The following SPTAN1 variants were observed in gnomAD, a reference collection of about 807,000 sequenced individuals.
SPTAN1 encodes the protein spectrin alpha chain, non-erythrocytic 1.
A neutral mutation model predicts 331.3 loss-of-function variants in SPTAN1; 61 were observed. That is an observed-to-expected ratio of 0.18 (90% CI 0.15 to 0.23). SPTAN1 has a LOEUF of 0.23. SPTAN1 is among the 10% of genes least tolerant of loss of function. The pLI is 1.00. For synonymous variants in SPTAN1, 1,153 were observed against 1,173.9 expected (o/e 0.98, Z 0.36); for missense variants, 2,043 against 3,147.9 (o/e 0.65, Z 8.40).
intron 34 of SPTAN1, 66 bp from the exon 35 acceptor site, chr9:128,608,808 G>A (rs931955759): frequency 1.3e-6 from 2 of 1,484,672 alleles, no homozygotes; most frequent in Non-Finnish European, 1.9e-6. Context: ...CTTTTCTCAA[G>A]ACTGGCAGTC....
chr9:128,565,190 C>G (rs1849876669), intron 1 of SPTAN1, among the ~76,000 whole-genome samples: 1 of 152,214 alleles, frequency 6.6e-6, no homozygotes, highest in South Asian at 2.1e-4. Flanking sequence ...GTAGTCCCCG[C>G]TACTCGGGAG....
chr9:128,633,228 C>G lies in SPTAN1; in HGVS notation c.7328C>G (p.Ala2443Gly). 6.2e-7 allele frequency: 1 copy of G among 1,614,034 alleles called. No homozygotes were observed. The highest frequency in any genetic ancestry group is 8.5e-7 in the Non-Finnish European group (1 of 1,180,026). Residue 2443 changes from alanine to glycine, a missense_variant, in exon 57 of 57, where the codon GCC (alanine) becomes GGC (glycine). Physicochemically the swap from Ala to Gly is moderately conservative, Grantham distance 60 (BLOSUM62 0). Around this residue, in one of 12 missense-constraint regions of SPTAN1, gnomAD observed 88 missense variants for 96.5 expected, o/e 0.91. Transcript: ENST00000372739. ...CCACAGAACCTGACCCGGGAACAAG[C>G]CGACTACTGCGTCTCCCACATGAAG... ...ELYQNLTREQ[A>G]DYCVSHMKPY... is the part of the protein sequence containing the mutation.
chr9:128,586,688 T>C (rs961815527), intron 19 of SPTAN1, among the ~76,000 whole-genome samples: 6 of 152,200 alleles, frequency 3.9e-5, no homozygotes, highest in African/African-American at 1.4e-4. Flanking sequence ...TACATAGATG[T>C]ACTTGGTTTT....
rs1446283019 is a variant in SPTAN1, at chr9:128,633,262, G to A, written c.7362G>A (p.Val2454=). The A allele has an allele frequency of 6.2e-7, 1 of 1,614,056 alleles. No individual in the cohort carries two copies. Among genetic ancestry groups the A allele is most frequent in the Non-Finnish European group, 8.5e-7 (1 of 1,180,038 alleles). Residue 2454 remains valine (V), a synonymous_variant, in exon 57 of 57, where the codon GTG becomes GTA. Coordinates refer to ENST00000372739, the MANE Select transcript of SPTAN1 (RefSeq NM_001130438.3). ...GCGTCTCCCACATGAAGCCCTACGT[G>A]GACGGCAAGGGCCGCGAGCTCCCCA... ...DYCVSHMKPY[V]DGKGRELPTA... is the part of the protein sequence containing the mutation.
rs183566381 is a variant in SPTAN1 at position 128,593,906 on chromosome 9, C to A, written c.3216-269C>A. 2.7e-4 allele frequency: 126 copies of A among 465,878 alleles called. 1 individual carries two copies. In the East Asian group the frequency reaches 5.4e-3, roughly 20 times the overall value. The allele number at this position is 465,878 out of a possible 1,614,324, so 28.9% of individuals were successfully genotyped here. On this transcript the variant is annotated intron_variant, in intron 23 of 56. Coordinates refer to ENST00000372739, the MANE Select transcript of SPTAN1 (RefSeq NM_001130438.3). ...TTCAGTCCCTTGTGGTTGTGTTGTT[C>A]TAAGTGCAGAATCGGCCTGGGGATA...
intron 1 of SPTAN1, among the ~76,000 whole-genome samples, chr9:128,557,476 G>A (rs1848766009): frequency 6.6e-6 from 1 of 152,156 alleles, no homozygotes; most frequent in African/African-American, 2.4e-5. Flanking sequence ...GCTTAACGCA[G>A]TGGGATTCCC....
intron 31 of SPTAN1, among the ~76,000 whole-genome samples, chr9:128,606,180 G>T (rs1589301168): frequency 6.6e-6 from 1 of 151,424 alleles, no homozygotes; most frequent in Admixed American, 6.6e-5. Flanking sequence ...GACCAGCCTG[G>T]CCAATATGGT....
Position 128,605,409 on chromosome 9 carries a change from A to G in SPTAN1, c.3978A>G (p.Lys1326=). Residue 1326 remains lysine (K), a synonymous_variant, in exon 31 of 57, where the codon AAA becomes AAG. Transcript: ENST00000372739. The part of the protein sequence containing the change: ...ELNQAWSSLG[K]RADQRKAKLG... ...ACCAGGCCTGGAGCAGCCTGGGGAAACGTGCAGATCAGCGCAAGGCAAAGT... is the reference window on the plus strand; with the variant it reads ...ACCAGGCCTGGAGCAGCCTGGGGAAGCGTGCAGATCAGCGCAAGGCAAAGT... 6.2e-7 allele frequency: 1 copy of G among 1,614,214 alleles called. No individual in the cohort carries two copies. Among genetic ancestry groups the G allele is most frequent in the Non-Finnish European group, 8.5e-7 (1 of 1,180,036 alleles).
rs1390456605 is a variant in SPTAN1 at position 128,627,066 on chromosome 9, GCCT to G, written c.6577-317_6577-315del. The G allele has an allele frequency of 1.8e-6, 1 of 552,316 alleles. No homozygotes were observed. Among genetic ancestry groups the G allele is most frequent in the Non-Finnish European group, 3.4e-6 (1 of 290,964 alleles). 34.2% of individuals were successfully genotyped at this position (552,316 alleles called of 1,614,324 possible). On this transcript the variant is annotated intron_variant, in intron 49 of 56. Transcript: ENST00000372739. This position sits in a 1 kb window ranked among gnomAD's most constrained non-coding sequence, Gnocchi z 4.9. The stretch of plus-strand genomic sequence containing the variant: ...GGCCTCAAGCAGTCCTCCTGCCCAG[GCCT>G]CCCAAAGTGCTGGGATTACAGGTGT...
chr9:128,593,236 C>T (rs1322062137), intron 23 of SPTAN1, 194 bp downstream of exon 23: 7 of 668,146 alleles, frequency 1.0e-5, no homozygotes, highest in Middle Eastern at 3.9e-4. Context: ...GACTGCTTAT[C>T]TCATTGGTTG....
chr9:128,633,512 A>C lies in SPTAN1; in HGVS notation c.*178A>C. 8.5e-7 allele frequency: 1 copy of C among 1,173,644 alleles called. No individual in the cohort carries two copies. Among genetic ancestry groups the C allele is most frequent in the Admixed American group, 1.8e-5 (1 of 54,596 alleles). 72.7% of individuals were successfully genotyped at this position (1,173,644 alleles called of 1,614,324 possible). ...CCGGTCCAGTCACAATCATCATGTC[A>C]CTGTGGGGACCCAGATCTGTGTCTT... On this transcript the variant is annotated 3_prime_UTR_variant, in exon 57 of 57. Coordinates refer to ENST00000372739, the MANE Select transcript of SPTAN1 (RefSeq NM_001130438.3).
At chr9:128,593,251 C>T in intron 23 of SPTAN1, 1 of 640,832 alleles carries the variant, frequency 1.6e-6, no homozygotes, top group Non-Finnish European at 2.9e-6. Flanking sequence ...TGGTTGCTTC[C>T]ATGTGCAGCT....
In SPTAN1 at chr9:128,625,757, C is replaced by T. The variant is rs771489152; in HGVS notation, c.6070-12C>T. Reference sequence around the variant, plus strand: ...GGAGTCACCACAAATTGGCTTGTCACTCCTTGTTCAGGAAACTTTTGACGC... The same window carrying T: ...GGAGTCACCACAAATTGGCTTGTCATTCCTTGTTCAGGAAACTTTTGACGC... On this transcript the variant is annotated splice_polypyrimidine_tract_variant and intron_variant, in intron 47 of 56. Transcript: ENST00000372739. The surrounding 1 kb of genome is among the most constrained non-coding windows in gnomAD (Gnocchi z 4.1). 3.7e-6 allele frequency: 6 copies of T among 1,613,656 alleles called. No homozygotes were observed. Among genetic ancestry groups the T allele is most frequent in the Admixed American group, 3.3e-5 (2 of 60,028 alleles).
chr9:128,618,179 T>C (rs1412926948), intron 43 of SPTAN1, 71 bp downstream of exon 43: 1 of 1,603,528 alleles, frequency 6.2e-7, no homozygotes, highest in Non-Finnish European at 8.5e-7. Context: ...CTCTGAGCTG[T>C]GGGGGTCCAG....
In SPTAN1 at chr9:128,608,900, C is replaced by A. The variant is rs777801455; in HGVS notation, c.4518C>A (p.Ala1506=). The part of the protein sequence containing the change: ...VQEEKIAALQ[A]FADQLIAAGH... ...AAGAGAAGATTGCTGCTCTGCAGGCCTTTGCCGACCAGCTCATCGCTGCCG... is the reference window on the plus strand; with the variant it reads ...AAGAGAAGATTGCTGCTCTGCAGGCATTTGCCGACCAGCTCATCGCTGCCG... The change falls in exon 35 of 57, where the codon GCC becomes GCA. Residue 1506 remains alanine (A), a synonymous_variant. Coordinates refer to ENST00000372739, the MANE Select transcript of SPTAN1 (RefSeq NM_001130438.3). 4 of 1,614,078 alleles carry A rather than the reference C, an allele frequency of 2.5e-6. No homozygotes were observed. The highest frequency in any genetic ancestry group is 3.4e-6 in the Non-Finnish European group (4 of 1,180,054).
rs761107143 is a variant in SPTAN1 at position 128,574,770 on chromosome 9, G to A, written c.459G>A (p.Gln153=). Residue 153 remains glutamine, a synonymous_variant, in exon 4 of 57, where the codon CAG becomes CAA. Transcript: ENST00000372739. The part of the protein sequence containing the change: ...IKLLQAQKLV[Q]YLRECEDVMD... Reference sequence around the variant, plus strand: ...TGCTGCAGGCCCAGAAGTTGGTGCAGTACTTACGAGAATGTGAGGACGTGA... The same window carrying A: ...TGCTGCAGGCCCAGAAGTTGGTGCAATACTTACGAGAATGTGAGGACGTGA... 7.4e-6 allele frequency: 12 copies of A among 1,614,138 alleles called. No individual in the cohort carries two copies. The highest frequency in any genetic ancestry group is 1.0e-5 in the Non-Finnish European group (12 of 1,179,988).
At chr9:128,603,484 C>T in intron 27 of SPTAN1, 59 bp from the exon 28 acceptor site, 1 of 1,594,878 alleles carries the variant, frequency 6.3e-7, no homozygotes, top group African/African-American at 1.3e-5. Flanking sequence ...ACTTGCAGCT[C>T]AGATCTCTAA....
intron 1 of SPTAN1, chr9:128,553,401 ATAACT>A (rs10576967): frequency 0.97 from 147,621 of 152,116 alleles, 71,789 homozygotes; most frequent in East Asian, 1. Context: ...CTCAAATCAA[ATAACT>A]TAATAGCTTA....
At chr9:128,610,256 C>T (rs1856416402) in intron 37 of SPTAN1, among the ~76,000 whole-genome samples, 1 of 152,178 alleles carries the variant, frequency 6.6e-6, no homozygotes, top group South Asian at 2.1e-4. Flanking sequence ...CTTCAGTCAA[C>T]ATGTAGCTCA....
Sources: allele counts gnomAD v4.1 joint callset (sites outside exome capture counted in the v4.1 genomes callset), GRCh38; gene constraint gnomAD v4.1.1; regional missense constraint gnomAD v4.1.1; non-coding constraint Gnocchi (gnomAD v3.1); transcripts MANE v1.5; gene names NCBI Gene and HGNC (gene_info 2026-07-23, HGNC 2026-07-21).